XYLT1: variants seen among roughly 807,000 people sequenced by gnomAD.
The protein encoded by XYLT1 is xylosyltransferase 1, also known as beta-D-xylosyltransferase 1.
XYLT1 carries 36 observed loss-of-function variants against 91.3 expected under a neutral mutation model. The observed-to-expected ratio is 0.39, with a 90% CI of 0.30 to 0.52. The LOEUF is 0.52. XYLT1 is among the 20% of genes least tolerant of loss of function. XYLT1 has a pLI of 0.68. For missense variants in XYLT1, 1,242 were observed against 1,284.5 expected, an observed-to-expected ratio of 0.97 and a Z score of 0.51; for synonymous variants, 588 against 532.0, an observed-to-expected ratio of 1.11 and a Z score of -1.45.
At chr16:17,434,834 C>T (rs2036434938) in intron 1 of XYLT1, among the ~76,000 whole-genome samples, 1 of 151,560 alleles carries the variant, frequency 6.6e-6, no homozygotes, top group Non-Finnish European at 1.5e-5. Context: ...CACCACTGCA[C>T]TCTAGCTTGG....
At chr16:17,287,308 C>CA (rs1268542717) in intron 2 of XYLT1, among the ~76,000 whole-genome samples, 3 of 152,058 alleles carry the variant, frequency 2.0e-5, no homozygotes, top group Non-Finnish European at 4.4e-5. Flanking sequence ...AATTAACGCT[C>CA]AGTGCAGTAT....
At chr16:17,388,276 T>C (rs2035772151) in intron 1 of XYLT1, among the ~76,000 whole-genome samples, 1 of 152,172 alleles carries the variant, frequency 6.6e-6, no homozygotes, top group Non-Finnish European at 1.5e-5. Context: ...AAACTCAAAA[T>C]TCGAAGTAAG....
intron 1 of XYLT1, 80 bp from the exon 2 acceptor site, chr16:17,358,130 CTTTTT>C: frequency 1.8e-6 from 2 of 1,118,224 alleles, no homozygotes; most frequent in Middle Eastern, 2.5e-4. Flanking sequence ...TCTTTCTTTC[CTTTTT>C]TTTTTTTTTT....
intron 10 of XYLT1, among the ~76,000 whole-genome samples, chr16:17,127,070 G>T (rs1700927032): frequency 6.6e-6 from 1 of 152,218 alleles, no homozygotes; most frequent in South Asian, 2.1e-4. Flanking sequence ...TTTCTCTGAA[G>T]GTGTATCATT....
At chr16:17,423,052 C>T (rs1283662710) in intron 1 of XYLT1, among the ~76,000 whole-genome samples, 2 of 152,190 alleles carry the variant, frequency 1.3e-5, no homozygotes, top group Non-Finnish European at 2.9e-5. Context: ...AATGTGGGAC[C>T]TTCAATAACG....
Position 17,344,311 on chromosome 16 carries a change from T to C in XYLT1, c.402+13701A>G, listed in dbSNP as rs185685167. On this transcript the variant is annotated intron_variant, in intron 2 of 11. Transcript: ENST00000261381. ...TCCTGGCTAACACGGTGAAACCCCG[T>C]CTCTACTAAAAAATACAAAAAAAAA... is the stretch of plus-strand genomic sequence containing the variant. Among the ~76,000 whole-genome samples the C allele has an allele frequency of 1.8e-3, 264 of 145,974 alleles. 6 individuals carry two copies. In the East Asian group the frequency reaches 0.045, roughly 25 times the overall value.
intron 5 of XYLT1, among the ~76,000 whole-genome samples, chr16:17,160,819 C>G (rs1482391348): frequency 6.6e-6 from 1 of 152,162 alleles, no homozygotes; most frequent in East Asian, 1.9e-4. Flanking sequence ...TAATAAGTCG[C>G]TGGGAGAGGT....
In XYLT1 at chr16:17,162,146, GC is replaced by G. The variant is rs1446749621; in HGVS notation, c.1290-3238del. 3.3e-5 allele frequency among the ~76,000 whole-genome samples: 5 copies of G among 152,252 alleles called. No homozygotes were observed. The South Asian group carries it at 8.3e-4, about 25-fold the overall frequency. On this transcript the variant is annotated intron_variant, in intron 5 of 11. Transcript: ENST00000261381. ...ATTTTGGCTGGGTGTGGTAGCTCAT[GC>G]CTGTAATTCCAGCACTTGGGGAGGC...
intron 2 of XYLT1, among the ~76,000 whole-genome samples, chr16:17,307,749 C>A (rs12449260): frequency 2.2e-4 from 34 of 151,954 alleles, no homozygotes; most frequent in Admixed American, 2.2e-3. Flanking sequence ...GCTTCCATAC[C>A]CAGGGCCTTC....
At chr16:17,209,997 A>G (rs954746163) in intron 3 of XYLT1, among the ~76,000 whole-genome samples, 1 of 152,108 alleles carries the variant, frequency 6.6e-6, no homozygotes, top group Non-Finnish European at 1.5e-5. Flanking sequence ...CAGGCTCAAG[A>G]GATCCTCCTA....
intron 2 of XYLT1, among the ~76,000 whole-genome samples, chr16:17,279,756 C>A (rs1257372027): frequency 6.6e-6 from 1 of 152,198 alleles, no homozygotes; most frequent in African/African-American, 2.4e-5. Flanking sequence ...TAGGCCTCCT[C>A]CTCTGCATAT....
Position 17,108,806 on chromosome 16 carries a change from G to A in XYLT1, c.2769C>T (p.Gly923=). 1 of 1,612,042 alleles carries A rather than the reference G, an allele frequency of 6.2e-7. No homozygotes were observed. The highest frequency in any genetic ancestry group is 8.5e-7 in the Non-Finnish European group (1 of 1,179,924). The part of the protein sequence containing the change: ...MWTAMDICAT[G]PTACPVMQTC... ...TCTGCATGACCGGGCAGGCTGTGGG[G>A]CCCGTGGCACAGATGTCCATGGCAG... The change falls in exon 12 of 12, where the codon GGC becomes GGT. Residue 923 remains glycine (G), a synonymous_variant. Transcript: ENST00000261381.
At chr16:17,468,898 T>C (rs184958944) in intron 1 of XYLT1, among the ~76,000 whole-genome samples, 1 of 152,224 alleles carries the variant, frequency 6.6e-6, no homozygotes, top group East Asian at 1.9e-4. Flanking sequence ...GAACTTCTAA[T>C]TGCATTTCTG....
chr16:17,292,078 C>CCATACA (rs2034236605), intron 2 of XYLT1, among the ~76,000 whole-genome samples: 1 of 108,850 alleles, frequency 9.2e-6, no homozygotes, highest in Non-Finnish European at 1.9e-5. Flanking sequence ...GCCCACTAAA[C>CCATACA]CATACACACA....
intron 1 of XYLT1, among the ~76,000 whole-genome samples, chr16:17,422,632 C>T (rs2036263932): frequency 6.6e-6 from 1 of 152,110 alleles, no homozygotes; most frequent in African/African-American, 2.4e-5. Context: ...GTCAGCCTCC[C>T]AAGTAGCTGG....
chr16:17,115,981 A>T (rs948616938), intron 11 of XYLT1, among the ~76,000 whole-genome samples: 2 of 55,246 alleles, frequency 3.6e-5, no homozygotes, highest in Non-Finnish European at 1.0e-4. Flanking sequence ...CTTAGAAAGT[A>T]AAAAAAAAAA....
intron 2 of XYLT1, among the ~76,000 whole-genome samples, chr16:17,357,149 C>A (rs2035308103): frequency 7.8e-6 from 1 of 128,660 alleles, no homozygotes; most frequent in African/African-American, 3.0e-5. Context: ...TGCACTCCAG[C>A]CTGGGCAACA....
At chr16:17,282,409 G>A (rs957752653) in intron 2 of XYLT1, among the ~76,000 whole-genome samples, 3 of 152,186 alleles carry the variant, frequency 2.0e-5, no homozygotes, top group Non-Finnish European at 4.4e-5. Flanking sequence ...GGGAGAAAGA[G>A]GAAAAGCATT....
rs912350009 is a variant in XYLT1, at chr16:17,304,455, C to G, written c.403-44957G>C. On this transcript the variant is annotated intron_variant, in intron 2 of 11. Transcript: ENST00000261381. ...GTATGTGGATGGTATAAGCATGCTG[C>G]GAAAAAATGCTGCAGGGATTTGGAC... 5.1e-5 allele frequency among the ~76,000 whole-genome samples: 7 copies of G among 136,368 alleles called. No individual in the cohort carries two copies. In the Admixed American group the frequency reaches 5.2e-4, roughly 10 times the overall value. 89.5% of individuals were successfully genotyped at this position (136,368 alleles called of 152,430 possible). A position where few individuals can be genotyped will look rare whatever the true frequency, so the allele number is the denominator to read the frequency against.
Sources: allele counts gnomAD v4.1 joint callset (sites outside exome capture counted in the v4.1 genomes callset), GRCh38; gene constraint gnomAD v4.1.1; transcripts MANE v1.5; gene names NCBI Gene and HGNC (gene_info 2026-07-23, HGNC 2026-07-21).